The following ERAP1 variants were observed in gnomAD, a reference collection of about 807,000 sequenced individuals.
The protein encoded by ERAP1 is adipocyte-derived leucine aminopeptidase.
In ERAP1, 86 loss-of-function variants were observed where a neutral mutation model predicts 103.7. The ratio of observed to expected loss-of-function variants is 0.83; its 90% confidence interval spans 0.70 to 0.99. The LOEUF is 0.99. Among genes scored for constraint, ERAP1 ranks in the 50% least tolerant of loss-of-function variants. The pLI is 0.00. For synonymous variants in ERAP1, 398 were observed against 402.4 expected, an observed-to-expected ratio of 0.99 and a Z score of 0.13; for missense variants, 1,009 against 1,128.4, an observed-to-expected ratio of 0.89 and a Z score of 1.52.
the ERAP1 span, among the ~76,000 whole-genome samples, chr5:96,931,503 G>T: frequency 6.6e-6 from 1 of 152,116 alleles, no homozygotes; most frequent in African/African-American, 2.4e-5. Context: ...AAACATTAAG[G>T]CATCAGTGAG....
At chr5:96,808,854 AAG>A (rs1196521607), upstream of ERAP1, among the ~76,000 whole-genome samples, 1 of 152,218 alleles carries the variant, frequency 6.6e-6, no homozygotes, top group Non-Finnish European at 1.5e-5. Context: ...TCCAGACCCC[AAG>A]AGAGGGTTCT....
At chr5:96,838,404 T>G in the ERAP1 span, among the ~76,000 whole-genome samples, 1 of 152,180 alleles carries the variant, frequency 6.6e-6, no homozygotes, top group Non-Finnish European at 1.5e-5. Context: ...AAATACACTC[T>G]TATCTAGGCT....
chr5:96,799,093 T>C (rs1475326253), intron 3 of ERAP1, among the ~76,000 whole-genome samples: 1 of 151,968 alleles, frequency 6.6e-6, no homozygotes, highest in Non-Finnish European at 1.5e-5. Flanking sequence ...CTTGAACTCC[T>C]GACCTCAGGT....
the ERAP1 span, among the ~76,000 whole-genome samples, chr5:96,883,576 G>A: frequency 4.6e-5 from 7 of 152,138 alleles, no homozygotes; most frequent in Non-Finnish European, 7.4e-5. Context: ...AATGTAATTA[G>A]CATTCCCAAA....
At chr5:96,913,921 C>G in the ERAP1 span, among the ~76,000 whole-genome samples, 1 of 152,138 alleles carries the variant, frequency 6.6e-6, no homozygotes, top group Non-Finnish European at 1.5e-5. Context: ...ACAGTGGAGA[C>G]CTTGGTTCAG....
At chr5:96,861,505 C>T in the ERAP1 span, among the ~76,000 whole-genome samples, 1 of 152,170 alleles carries the variant, frequency 6.6e-6, no homozygotes, top group East Asian at 1.9e-4. Flanking sequence ...TCATAAGCAG[C>T]TCCAAAGGTA....
chr5:96,864,675 T>A, the ERAP1 span, among the ~76,000 whole-genome samples: 2 of 152,206 alleles, frequency 1.3e-5, no homozygotes, highest in East Asian at 3.8e-4. Context: ...AAGGATACAA[T>A]GCTTTAAAAA....
At chr5:96,874,387 C>T in the ERAP1 span, among the ~76,000 whole-genome samples, 1 of 152,214 alleles carries the variant, frequency 6.6e-6, no homozygotes, top group East Asian at 1.9e-4. Flanking sequence ...TGCACTCGCC[C>T]ACATACCCAC....
the ERAP1 span, among the ~76,000 whole-genome samples, chr5:96,912,363 T>C: frequency 6.6e-6 from 1 of 152,116 alleles, no homozygotes; most frequent in Non-Finnish European, 1.5e-5. Flanking sequence ...ATTTGTTGAT[T>C]ACATCAACTT....
chr5:96,825,077 T>C, the ERAP1 span, among the ~76,000 whole-genome samples: 2 of 152,142 alleles, frequency 1.3e-5, no homozygotes, highest in African/African-American at 4.8e-5. Context: ...ATTAAAAATG[T>C]TTCTATTTAC....
chr5:96,883,488 A>G, the ERAP1 span, among the ~76,000 whole-genome samples: 1 of 152,226 alleles, frequency 6.6e-6, no homozygotes, highest in Non-Finnish European at 1.5e-5. Flanking sequence ...TCAGTCATTT[A>G]CTGGCTGCGG....
upstream of ERAP1, among the ~76,000 whole-genome samples, chr5:96,812,889 C>T (rs1779231763): frequency 6.6e-6 from 1 of 152,190 alleles, no homozygotes; most frequent in Non-Finnish European, 1.5e-5. Flanking sequence ...GGAATGCTTG[C>T]AATTTATTGG....
chr5:96,771,802 G>A (rs1772468581), downstream of ERAP1: 2 of 705,192 alleles, frequency 2.8e-6, no homozygotes. Context: ...AGTAATTCAT[G>A]CTCACTTTAC....
chr5:96,925,912 T>A, the ERAP1 span, among the ~76,000 whole-genome samples: 1 of 46,260 alleles, frequency 2.2e-5, no homozygotes, highest in Non-Finnish European at 5.6e-5. Context: ...TATAATTTGC[T>A]TTTTTTTTTT....
chr5:96,824,987 C>T, the ERAP1 span, among the ~76,000 whole-genome samples: 1 of 152,126 alleles, frequency 6.6e-6, no homozygotes, highest in Non-Finnish European at 1.5e-5. Context: ...CTGCAGTGGG[C>T]TGCGATCATC....
the ERAP1 span, among the ~76,000 whole-genome samples, chr5:96,830,253 G>A: frequency 1.1e-4 from 17 of 152,186 alleles, no homozygotes; most frequent in African/African-American, 3.1e-4. Context: ...ATGATGATTC[G>A]AGAGGGCTGA....
chr5:96,782,957 A>T, intron 15 of ERAP1, 94 bp downstream of exon 15: 1 of 1,313,706 alleles, frequency 7.6e-7, no homozygotes, highest in Non-Finnish European at 1.1e-6. Flanking sequence ...GGAGACACTT[A>T]AACTTTTTGT....
chr5:96,768,449 A>T, intron 19 of ERAP1: 1 of 450,970 alleles, frequency 2.2e-6, no homozygotes, highest in Non-Finnish European at 4.4e-6. Flanking sequence ...TGAAGAAAAG[A>T]AAAAATGCCT....
the ERAP1 span, among the ~76,000 whole-genome samples, chr5:96,844,205 A>G: frequency 6.6e-6 from 1 of 152,238 alleles, no homozygotes; most frequent in Admixed American, 6.5e-5. Context: ...ATTCAGTGAT[A>G]TGATGACTTC....
Sources: allele counts gnomAD v4.1 joint callset (sites outside exome capture counted in the v4.1 genomes callset), GRCh38; gene constraint gnomAD v4.1.1; transcripts MANE v1.5; gene names NCBI Gene and HGNC (gene_info 2026-07-23, HGNC 2026-07-21).